The following CNTNAP4 variants were observed in gnomAD, a reference collection of about 807,000 sequenced individuals.
CNTNAP4 encodes the protein contactin associated protein family member 4, also known as contactin-associated protein-like 4.
CNTNAP4 carries 98 observed loss-of-function variants against 148.4 expected under a neutral mutation model. That is an observed-to-expected ratio of 0.66 (90% confidence interval 0.56 to 0.78). The LOEUF (loss-of-function observed/expected upper bound fraction) is 0.78, where lower values mean the gene tolerates loss of function less well. CNTNAP4 is among the 30% of genes least tolerant of loss of function. CNTNAP4 has a pLI of 0.00. For synonymous variants in CNTNAP4, 730 were observed against 565.1 expected (o/e 1.29, Z -4.14); for missense variants, 1,935 against 1,565.6 (o/e 1.24, Z -3.98).
intron 1 of CNTNAP4, among the ~76,000 whole-genome samples, chr16:76,310,795 TA>T (rs1169507990): frequency 2.0e-5 from 3 of 151,854 alleles, no homozygotes; most frequent in African/African-American, 7.3e-5. Context: ...AAATCAGCCC[TA>T]TTTTTTTTTT....
At chr16:76,476,760 T>C (rs1315979778) in intron 11 of CNTNAP4, among the ~76,000 whole-genome samples, 1 of 152,130 alleles carries the variant, frequency 6.6e-6, no homozygotes, top group African/African-American at 2.4e-5. Context: ...TTCACTCTCA[T>C]GGCCTAATCA....
chr16:76,552,004 T>C (rs2084970514), intron 21 of CNTNAP4, among the ~76,000 whole-genome samples: 1 of 152,116 alleles, frequency 6.6e-6, no homozygotes, highest in Non-Finnish European at 1.5e-5. Flanking sequence ...AGGAAAGAGG[T>C]GTAATCAACA....
intron 7 of CNTNAP4, among the ~76,000 whole-genome samples, chr16:76,451,946 G>T (rs1176559121): frequency 6.6e-6 from 1 of 151,920 alleles, no homozygotes; most frequent in Non-Finnish European, 1.5e-5. Flanking sequence ...CAATTATCCC[G>T]ATTTGCTCAT....
At chr16:76,286,263 G>T (rs1958881873) in intron 1 of CNTNAP4, among the ~76,000 whole-genome samples, 1 of 150,776 alleles carries the variant, frequency 6.6e-6, no homozygotes, top group African/African-American at 2.4e-5. Context: ...CATTTTGGTA[G>T]GGGAAATAGA....
chr16:76,504,407 A>G (rs2143942193), intron 15 of CNTNAP4, among the ~76,000 whole-genome samples: 1 of 147,134 alleles, frequency 6.8e-6, no homozygotes, highest in East Asian at 2.0e-4. Flanking sequence ...GAAAAAGAAA[A>G]GCAGAATGAA....
In CNTNAP4 at chr16:76,531,875, G is replaced by T. The variant is rs747203877; in HGVS notation, c.2756-3670G>T. On this transcript the variant is annotated intron_variant, in intron 17 of 23. Transcript: ENST00000611870. ...AGTGTGGCTTAAAACTATTTGGTTA[G>T]GTAAATAACGAAAGTACAGAATTAA... Among the ~76,000 whole-genome samples the T allele has an allele frequency of 7.3e-4, 111 of 152,084 alleles. 1 individual carries two copies. The highest frequency in any genetic ancestry group is 1.2e-3 in the Non-Finnish European group (79 of 67,998).
At chr16:76,333,886 T>A (rs1567743021) in intron 2 of CNTNAP4, among the ~76,000 whole-genome samples, 1 of 147,254 alleles carries the variant, frequency 6.8e-6, no homozygotes, top group South Asian at 2.1e-4. Context: ...AGCGTAAAAG[T>A]GTTCCTATTT....
intron 3 of CNTNAP4, among the ~76,000 whole-genome samples, chr16:76,368,077 T>G (rs2014367747): frequency 6.6e-6 from 1 of 152,148 alleles, no homozygotes; most frequent in African/African-American, 2.4e-5. Flanking sequence ...AAACATTGGG[T>G]TGCTCAGTAA....
rs1480462899 is a variant in CNTNAP4, at chr16:76,331,406, T to G, written c.196+14883T>G. Among the ~76,000 whole-genome samples, 4 of 152,124 alleles carry G rather than the reference T, an allele frequency of 2.6e-5. No individual in the cohort carries two copies. In the East Asian group the frequency reaches 5.8e-4, roughly 22 times the overall value. On this transcript the variant is annotated intron_variant, in intron 2 of 23. Coordinates refer to ENST00000611870, the MANE Select transcript of CNTNAP4 (RefSeq NM_033401.5). ...GGTTTCACAGTGTTAGCCAGGATGG[T>G]CTCGATCTCCTGACCTCGTGATCCA...
rs369058723 is a variant in CNTNAP4 at position 76,553,364 on chromosome 16, A to C, written c.3524A>C (p.His1175Pro). 3.7e-6 allele frequency: 6 copies of C among 1,612,842 alleles called. No individual in the cohort carries two copies. In the African/African-American group the frequency reaches 6.7e-5, roughly 18 times the overall value. Residue 1175 changes from histidine (H) to proline (P), a missense_variant, in exon 22 of 24, where the codon CAC becomes CCC. His to Pro is a moderately conservative substitution (Grantham distance 77). Coordinates refer to ENST00000611870, the MANE Select transcript of CNTNAP4 (RefSeq NM_033401.5). ...TGCLSAVQLS[H>P]VAPLKAALHP... ...TGCCTCTCTGCAGTGCAGCTCAGCCACGTGGCCCCTCTGAAGGCAGCTCTG... is the reference window on the plus strand; with the variant it reads ...TGCCTCTCTGCAGTGCAGCTCAGCCCCGTGGCCCCTCTGAAGGCAGCTCTG...
chr16:76,533,904 G>A (rs992989305), intron 17 of CNTNAP4, among the ~76,000 whole-genome samples: 1 of 152,066 alleles, frequency 6.6e-6, no homozygotes, highest in African/African-American at 2.4e-5. Flanking sequence ...GTATGTAAAT[G>A]GAAACATTTT....
rs147503000 is a variant in CNTNAP4 at position 76,310,851 on chromosome 16, A to G, written c.86-5562A>G. Among the ~76,000 whole-genome samples the G allele has an allele frequency of 1.1e-3, 164 of 152,038 alleles. 1 individual carries two copies. The highest frequency in any genetic ancestry group is 1.8e-3 in the Non-Finnish European group (119 of 67,990). ...TCACCAGTGCTTGTTTCAACAAAGT[A>G]CTGGTTCAGAATAGAAGATCTGGCA... On this transcript the variant is annotated intron_variant, in intron 1 of 23. Transcript: ENST00000611870.
chr16:76,300,644 A>C (rs929425030), intron 1 of CNTNAP4, among the ~76,000 whole-genome samples: 1 of 152,362 alleles, frequency 6.6e-6, no homozygotes, highest in Non-Finnish European at 1.5e-5. Context: ...TCAATTTTTC[A>C]TATAGAAAAT....
chr16:76,500,073 T>C (rs1211615470), intron 15 of CNTNAP4, among the ~76,000 whole-genome samples: 2 of 152,150 alleles, frequency 1.3e-5, no homozygotes, highest in African/African-American at 2.4e-5. Context: ...AGCTGTTGGG[T>C]ACACCTCCCT....
chr16:76,489,631 CT>C, intron 12 of CNTNAP4, 54 bp from the exon 13 acceptor site: 1 of 970,274 alleles, frequency 1.0e-6, no homozygotes, highest in Non-Finnish European at 1.4e-6. Flanking sequence ...TTTATTTTAA[CT>C]TTTGCAGACT....
chr16:76,359,627 T>C (rs1242094464), intron 3 of CNTNAP4, among the ~76,000 whole-genome samples: 1 of 152,192 alleles, frequency 6.6e-6, no homozygotes, highest in East Asian at 1.9e-4. Context: ...ATATTACACA[T>C]TGGAATATTT....
intron 3 of CNTNAP4, among the ~76,000 whole-genome samples, chr16:76,391,767 G>A (rs1340788556): frequency 6.6e-6 from 1 of 152,144 alleles, no homozygotes; most frequent in African/African-American, 2.4e-5. Flanking sequence ...TGTGGTTCTA[G>A]CATCAGCATC....
chr16:76,347,507 A>G (rs1216456976), intron 2 of CNTNAP4, among the ~76,000 whole-genome samples: 1 of 152,200 alleles, frequency 6.6e-6, no homozygotes, highest in Non-Finnish European at 1.5e-5. Flanking sequence ...TGCTATATAA[A>G]AAAGATGGAG....
intron 10 of CNTNAP4, among the ~76,000 whole-genome samples, chr16:76,471,678 C>G (rs148699665): frequency 1.7e-3 from 265 of 152,242 alleles, no homozygotes; most frequent in Non-Finnish European, 3.1e-3. Flanking sequence ...CCCAAGCCTG[C>G]CCTTTGTTCC....
Sources: allele counts gnomAD v4.1 joint callset (sites outside exome capture counted in the v4.1 genomes callset), GRCh38; gene constraint gnomAD v4.1.1; transcripts MANE v1.5; gene names NCBI Gene and HGNC (gene_info 2026-07-23, HGNC 2026-07-21).